The following LRRC57 variants were observed in gnomAD, a reference collection of about 807,000 sequenced individuals.
The protein encoded by LRRC57 is leucine-rich repeat-containing protein 57.
Under a neutral mutation model 23.1 loss-of-function variants are expected in LRRC57, and 14 were observed. That is an observed-to-expected ratio of 0.61 (90% CI 0.40 to 0.95). The LOEUF is 0.95. Ranked by LOEUF, LRRC57 falls within the 40% of genes least tolerant of loss-of-function variation. The pLI is 0.00. For missense variants in LRRC57, 236 were observed against 284.4 expected (o/e 0.83, Z 1.22); for synonymous variants, 106 against 115.2 (o/e 0.92, Z 0.51).
chr15:42,546,960 T>C (rs561624730), intron 4 of LRRC57, among the ~76,000 whole-genome samples: 3 of 152,300 alleles, frequency 2.0e-5, no homozygotes, highest in Admixed American at 6.5e-5. Flanking sequence ...GGCATATATT[T>C]GAGGAGGATC....
downstream of LRRC57, among the ~76,000 whole-genome samples, chr15:42,533,799 T>G (rs888233005): frequency 1.3e-5 from 2 of 152,250 alleles, no homozygotes; most frequent in African/African-American, 4.8e-5. Flanking sequence ...AAGCTAGTAT[T>G]GCAATGAAGT....
In LRRC57 at chr15:42,547,325, ATCTGGT is replaced by A. The variant is rs1266095395; in HGVS notation, c.422_427del (p.Asn141_Gln142del). ...TCCCACTGAGTCAGGTATACTTCGA[ATCTGGT>A]TCTTAGAGAGATCCATCACATCCAG... On this transcript the variant is annotated inframe_deletion, in exon 4 of 6. Coordinates refer to ENST00000397130, the MANE Select transcript of LRRC57 (RefSeq NM_153260.3). 6.2e-7 allele frequency: 1 copy of A among 1,614,170 alleles called. No homozygotes were observed. The highest frequency in any genetic ancestry group is 1.1e-5 in the South Asian group (1 of 91,086).
At chr15:42,548,609 C>T (rs975726697) in intron 1 of LRRC57, 84 bp downstream of exon 1, 3 of 661,238 alleles carry the variant, frequency 4.5e-6, no homozygotes, top group Non-Finnish European at 2.6e-6. Context: ...CACAGCCCGA[C>T]CACCAAGCCC....
chr15:42,531,441 T>C, the LRRC57 span: 1 of 1,596,528 alleles, frequency 6.3e-7, no homozygotes, highest in Non-Finnish European at 8.5e-7. Context: ...CGTATTGATA[T>C]TGCCAATGCC....
the LRRC57 span, chr15:42,529,623 C>A: frequency 1.9e-6 from 3 of 1,583,218 alleles, no homozygotes; most frequent in Non-Finnish European, 1.7e-6. Context: ...TAAATCCAGA[C>A]TTTTATTTAA....
chr15:42,547,700 G>A lies in LRRC57; in HGVS notation c.224-171C>T, dbSNP rs138751098. ...TTTACCAACATAGTCTTTAGAAGGT[G>A]AGGGTGCCATCAAAATGCCGGAGAG... On this transcript the variant is annotated intron_variant, in intron 3 of 5. Transcript: ENST00000397130. The A allele has an allele frequency of 2.1e-3, 1,389 of 651,006 alleles. 4 individuals carry two copies. Among genetic ancestry groups the A allele is most frequent in the Non-Finnish European group, 3.3e-3 (1,285 of 388,668 alleles). 40.3% of individuals were successfully genotyped at this position (651,006 alleles called of 1,614,324 possible).
At position 42,539,789 on chromosome 15, in the gene LRRC57, T is replaced by C. The variant is rs1459062103; in HGVS notation, c.*4294A>G. 6.6e-6 allele frequency: 1 copy of C among 152,142 alleles called. No homozygotes were observed. The highest frequency in any genetic ancestry group is 1.5e-5 in the Non-Finnish European group (1 of 68,046). 9.4% of individuals were successfully genotyped at this position (152,142 alleles called of 1,614,324 possible). ...CCCTTGCCCTCAAAGAGTTAGTCTATCATGAAAGATAAATATAGAATGTGA... is the reference window on the plus strand; with the variant it reads ...CCCTTGCCCTCAAAGAGTTAGTCTACCATGAAAGATAAATATAGAATGTGA... On this transcript the variant is annotated 3_prime_UTR_variant, in exon 6 of 6. Transcript: ENST00000397130.
chr15:42,548,483 C>A (rs1480741911), intron 1 of LRRC57, 27 bp from the exon 2 acceptor site: 2 of 1,589,248 alleles, frequency 1.3e-6, no homozygotes, highest in Admixed American at 1.7e-5. Flanking sequence ...CTGCTGTCAC[C>A]GCCCAGTCCA....
the LRRC57 span, chr15:42,531,567 C>G: frequency 1.0e-6 from 1 of 953,338 alleles, no homozygotes; most frequent in Non-Finnish European, 1.6e-6. Context: ...TTTTCGGTTC[C>G]ACGCTCTTCT....
Position 42,539,551 on chromosome 15 carries a change from G to T in LRRC57, c.*4532C>A, listed in dbSNP as rs1372872077. On this transcript the variant is annotated 3_prime_UTR_variant, in exon 6 of 6. Transcript: ENST00000397130. ...CACCTGTAATCTCAATACTTTGGGA[G>T]GCCAAGATGGGAGGATCACTTGAGT... 6.8e-6 allele frequency: 1 copy of T among 147,654 alleles called. No individual in the cohort carries two copies. The highest frequency in any genetic ancestry group is 2.5e-5 in the African/African-American group (1 of 39,934). The allele number at this position is 147,654 out of a possible 1,614,324, so 9.1% of individuals were successfully genotyped here. A position where few individuals can be genotyped will look rare whatever the true frequency, so the allele number is the denominator to read the frequency against.
chr15:42,531,860 G>A, the LRRC57 span: 1 of 157,156 alleles, frequency 6.4e-6, no homozygotes, highest in Non-Finnish European at 1.4e-5. Flanking sequence ...TTTTGTGGTT[G>A]AGGGAAGGAC....
At chr15:42,535,248 TTAAACCTCA>T (rs979118084), downstream of LRRC57, among the ~76,000 whole-genome samples, 14 of 152,252 alleles carry the variant, frequency 9.2e-5, no homozygotes, top group African/African-American at 3.4e-4. Flanking sequence ...GCTTCTTCCC[TTAAACCTCA>T]TGAACCAACC....
chr15:42,533,113 G>GA (rs993936091), downstream of LRRC57: 27 of 152,320 alleles, frequency 1.8e-4, no homozygotes. Context: ...TTATTTGGGG[G>GA]AAAATAGTTT....
Position 42,544,842 on chromosome 15 carries a change from C to CAATATATATATATATATATATATA in LRRC57, c.678+234_678+235insTATATATATATATATATATATATT. ...ACACACACACACACACACACACACA[C>CAATATATATATATATATATATATA]TATATATATATATATATCAAAAGAC... On this transcript the variant is annotated intron_variant, in intron 5 of 5. Coordinates refer to ENST00000397130, the MANE Select transcript of LRRC57 (RefSeq NM_153260.3). 8.3e-4 allele frequency among the ~76,000 whole-genome samples: 81 copies of CAATATATATATATATATATATATA among 97,976 alleles called. 4 individuals carry two copies. The highest frequency in any genetic ancestry group is 4.7e-3 in the Middle Eastern group (1 of 214). 64.3% of individuals were successfully genotyped at this position (97,976 alleles called of 152,430 possible).
the LRRC57 span, among the ~76,000 whole-genome samples, chr15:42,529,218 T>C: frequency 6.6e-6 from 1 of 152,236 alleles, no homozygotes; most frequent in Non-Finnish European, 1.5e-5. Flanking sequence ...AATCATATGG[T>C]GGCCAGATTT....
At chr15:42,536,159 A>C (rs1207710285), downstream of LRRC57, among the ~76,000 whole-genome samples, 2 of 107,266 alleles carry the variant, frequency 1.9e-5, no homozygotes, top group African/African-American at 8.3e-5. Context: ...ACAGATCACC[A>C]TAACATATCA....
the LRRC57 span, chr15:42,531,595 G>A: frequency 1.4e-6 from 1 of 716,126 alleles, no homozygotes; most frequent in Non-Finnish European, 2.3e-6. Context: ...AGATAATATG[G>A]AAGAAGGGCC....
Position 42,548,458 on chromosome 15 carries a change from T to C in LRRC57, c.-22-2A>G. 6 of 1,611,346 alleles carry C rather than the reference T, an allele frequency of 3.7e-6. No homozygotes were observed. In the South Asian group the frequency reaches 4.4e-5, roughly 12 times the overall value. On this transcript the variant is annotated splice_acceptor_variant, in intron 1 of 5. Coordinates refer to ENST00000397130, the MANE Select transcript of LRRC57 (RefSeq NM_153260.3). LOFTEE classifies it low-confidence loss of function (5UTR_SPLICE). ...ATCCTAGCGCCGCGGCTCAGGTCCC[T>C]GCGGGAAGGAAGCGCTGCTGTCACC...
chr15:42,547,869 T>A lies in LRRC57; in HGVS notation c.223+237A>T, dbSNP rs951104935. On this transcript the variant is annotated intron_variant, in intron 3 of 5. Transcript: ENST00000397130. The stretch of plus-strand genomic sequence containing the variant: ...CTTTGTTTACATTACATCCCCAAAA[T>A]GTTCTTCTCTTTCAAGTCCAAATTA... The A allele has an allele frequency of 5.3e-6, 3 of 564,864 alleles. No homozygotes were observed. In the African/African-American group the frequency reaches 5.7e-5, roughly 11 times the overall value. The allele number at this position is 564,864 out of a possible 1,614,324, so 35.0% of individuals were successfully genotyped here. A position where few individuals can be genotyped will look rare whatever the true frequency, so the allele number is the denominator to read the frequency against.
Sources: gnomAD v4.1 joint callset for allele counts (sites outside exome capture counted in the v4.1 genomes callset) on GRCh38, gnomAD v4.1.1 for gene constraint, MANE v1.5 for transcripts, NCBI Gene and HGNC (gene_info 2026-07-23, HGNC 2026-07-21) for gene names.